The following PLCB1 variants were observed in gnomAD, a reference collection of about 807,000 sequenced individuals.
PLCB1 encodes phospholipase C beta 1, also known as 1-phosphatidylinositol 4,5-bisphosphate phosphodiesterase beta-1.
A neutral mutation model predicts 161.8 loss-of-function variants in PLCB1; 46 were observed. That is an observed-to-expected ratio of 0.28 (90% CI 0.22 to 0.36). The LOEUF is 0.36. PLCB1 is among the 10% of genes least tolerant of loss of function. PLCB1 has a pLI of 1.00. For missense variants in PLCB1, 1,016 were observed against 1,472.5 expected (o/e 0.69, Z 5.07); for synonymous variants, 517 against 503.7 (o/e 1.03, Z -0.35).
intron 2 of PLCB1, among the ~76,000 whole-genome samples, chr20:8,160,530 A>G (rs946303894): frequency 6.6e-6 from 1 of 152,350 alleles, no homozygotes; most frequent in Non-Finnish European, 1.5e-5. Flanking sequence ...CACGTCTCAC[A>G]TGGTGTCAGC....
At chr20:8,562,558 T>C (rs1204160451) in intron 3 of PLCB1, among the ~76,000 whole-genome samples, 1 of 152,078 alleles carries the variant, frequency 6.6e-6, no homozygotes, top group Non-Finnish European at 1.5e-5. Flanking sequence ...CATGTGATAA[T>C]TAACAATTGA....
At chr20:8,802,167 C>A in intron 31 of PLCB1, 1 of 1,588,634 alleles carries the variant, frequency 6.3e-7, no homozygotes, top group Non-Finnish European at 8.6e-7. Flanking sequence ...ACCGTCCTTC[C>A]GGCCAGGTAG....
At chr20:8,317,520 C>T (rs887763402) in intron 2 of PLCB1, among the ~76,000 whole-genome samples, 2 of 152,032 alleles carry the variant, frequency 1.3e-5, no homozygotes, top group East Asian at 3.9e-4. Context: ...TTACACCCCC[C>T]CATCCCCCCG....
intron 3 of PLCB1, among the ~76,000 whole-genome samples, chr20:8,438,021 GTTTAT>G (rs1432809152): frequency 3.3e-5 from 5 of 152,090 alleles, no homozygotes; most frequent in Admixed American, 6.6e-5. Flanking sequence ...TATACTTATA[GTTTAT>G]TTTATTATTT....
intron 3 of PLCB1, among the ~76,000 whole-genome samples, chr20:8,449,224 T>G (rs2122641090): frequency 6.6e-6 from 1 of 152,290 alleles, no homozygotes; most frequent in South Asian, 2.1e-4. Flanking sequence ...TAGATTCTAT[T>G]ATTGTCAACA....
intron 3 of PLCB1, among the ~76,000 whole-genome samples, chr20:8,389,193 A>G (rs1159504803): frequency 2.0e-5 from 3 of 152,248 alleles, no homozygotes; most frequent in African/African-American, 4.8e-5. Flanking sequence ...AGGTTGGTGT[A>G]TCTCCTATCA....
At chr20:8,715,007 A>C (rs141907927) in intron 12 of PLCB1, among the ~76,000 whole-genome samples, 83 of 152,302 alleles carry the variant, frequency 5.4e-4, no homozygotes, top group African/African-American at 1.9e-3. Flanking sequence ...GAAAATAAGA[A>C]TAAGAATCAC....
chr20:8,222,398 G>A (rs567563287), intron 2 of PLCB1, among the ~76,000 whole-genome samples: 3 of 152,104 alleles, frequency 2.0e-5, no homozygotes, highest in Admixed American at 6.6e-5. Context: ...GTTTCAATAC[G>A]TTTATGATAT....
At chr20:8,793,635 T>C (rs1458800356) in intron 31 of PLCB1, among the ~76,000 whole-genome samples, 1 of 152,086 alleles carries the variant, frequency 6.6e-6, no homozygotes, top group African/African-American at 2.4e-5. Context: ...AGACGAGTAC[T>C]TAACAGGGTA....
At chr20:8,206,483 A>G (rs906626994) in intron 2 of PLCB1, among the ~76,000 whole-genome samples, 17 of 152,260 alleles carry the variant, frequency 1.1e-4, no homozygotes, top group African/African-American at 3.4e-4. Flanking sequence ...TGAAGGAAAT[A>G]TGCCCTCACT....
rs371693647 is a variant in PLCB1, at chr20:8,514,556, T to C, written c.247-113738T>C. 3.2e-3 allele frequency among the ~76,000 whole-genome samples: 480 copies of C among 151,522 alleles called. 3 individuals are homozygous for C. The highest frequency in any genetic ancestry group is 0.011 in the African/African-American group (465 of 41,262). On this transcript the variant is annotated intron_variant, in intron 3 of 31. Coordinates refer to ENST00000338037, the MANE Select transcript of PLCB1 (RefSeq NM_015192.4). ...AGCAAGGCATGGTGGTGTGCACCTG[T>C]AGTCCCAGCTACTCAGAGGCTGAGA...
At position 8,658,969 on chromosome 20, in the gene PLCB1, C is replaced by T. The variant is rs145030237; in HGVS notation, c.862+265C>T. 5.7e-3 allele frequency among the ~76,000 whole-genome samples: 867 copies of T among 152,190 alleles called. 14 individuals are homozygous for T. The highest frequency in any genetic ancestry group is 0.018 in the African/African-American group (761 of 41,522). ...AATCCTTTATTTTGTTTCAAATTCA[C>T]GCAGTGACTGAATGCATATTTCATA... On this transcript the variant is annotated intron_variant, in intron 9 of 31. Coordinates refer to ENST00000338037, the MANE Select transcript of PLCB1 (RefSeq NM_015192.4).
chr20:8,837,569 G>A (rs1303018488), intron 31 of PLCB1, among the ~76,000 whole-genome samples: 1 of 152,208 alleles, frequency 6.6e-6, no homozygotes, highest in African/African-American at 2.4e-5. Flanking sequence ...CCCACAGTGA[G>A]CAAGTTGGAA....
chr20:8,480,996 G>T (rs556786877), intron 3 of PLCB1, among the ~76,000 whole-genome samples: 3 of 151,976 alleles, frequency 2.0e-5, no homozygotes, highest in Non-Finnish European at 4.4e-5. Context: ...CCCACGTACT[G>T]GGGAGGCTGG....
chr20:8,868,564 C>G (rs987872602), intron 31 of PLCB1, among the ~76,000 whole-genome samples: 20 of 152,216 alleles, frequency 1.3e-4, no homozygotes, highest in Non-Finnish European at 2.8e-4. Context: ...CCTGTTTTTA[C>G]ATAGTGAACA....
chr20:8,180,624 G>T (rs2051831128), intron 2 of PLCB1, among the ~76,000 whole-genome samples: 1 of 152,084 alleles, frequency 6.6e-6, no homozygotes, highest in South Asian at 2.1e-4. Flanking sequence ...GAATACAGGG[G>T]CATGTAATAT....
chr20:8,274,038 T>C (rs1314726767), intron 2 of PLCB1, among the ~76,000 whole-genome samples: 1 of 152,142 alleles, frequency 6.6e-6, no homozygotes, highest in African/African-American at 2.4e-5. Flanking sequence ...GTAGAAGTGA[T>C]GAATGGAGGC....
intron 10 of PLCB1, among the ~76,000 whole-genome samples, chr20:8,693,239 T>C (rs1990518501): frequency 6.6e-6 from 1 of 152,130 alleles, no homozygotes; most frequent in Non-Finnish European, 1.5e-5. Flanking sequence ...ATGGTGAAGC[T>C]CCTATAATCA....
chr20:8,789,489 A>G (rs773392011), intron 29 of PLCB1, 29 bp from the exon 30 acceptor site: 32 of 1,450,080 alleles, frequency 2.2e-5, no homozygotes, highest in African/African-American at 2.8e-5. Flanking sequence ...ATGAATTGGT[A>G]TAATGATGTA....
Sources: gnomAD v4.1 joint callset for allele counts (sites outside exome capture counted in the v4.1 genomes callset) on GRCh38, gnomAD v4.1.1 for gene constraint, MANE v1.5 for transcripts, NCBI Gene and HGNC (gene_info 2026-07-23, HGNC 2026-07-21) for gene names.